The following GLI2 variants were observed in gnomAD, a reference collection of about 807,000 sequenced individuals.
The protein encoded by GLI2 is transcription activator GLI2.
In GLI2, 22 loss-of-function variants were observed where a neutral mutation model predicts 78.9. The observed-to-expected ratio is 0.28, with a 90% CI of 0.20 to 0.40. The LOEUF (loss-of-function observed/expected upper bound fraction) is 0.40, where lower values mean the gene tolerates loss of function less well. Ranked by LOEUF, GLI2 falls within the 10% of genes least tolerant of loss-of-function variation. GLI2 has a pLI of 1.00. For synonymous variants in GLI2, 974 were observed against 963.7 expected, an observed-to-expected ratio of 1.01 and a Z score of -0.20; for missense variants, 2,097 against 2,213.2, an observed-to-expected ratio of 0.95 and a Z score of 1.05.
intron 1 of GLI2, among the ~76,000 whole-genome samples, chr2:120,755,252 A>G (rs928338068): frequency 1.3e-5 from 2 of 152,246 alleles, no homozygotes; most frequent in Non-Finnish European, 2.9e-5. Context: ...ACCACATCCT[A>G]GGTAATACTT....
intron 1 of GLI2, among the ~76,000 whole-genome samples, chr2:120,753,555 C>T: frequency 6.6e-6 from 1 of 151,860 alleles, no homozygotes; most frequent in Middle Eastern, 3.4e-3. Context: ...GCAATTTTTC[C>T]GTCAGTGTCT....
At chr2:120,905,057 G>A (rs576486303) in intron 2 of GLI2, among the ~76,000 whole-genome samples, 1 of 152,232 alleles carries the variant, frequency 6.6e-6, no homozygotes, top group Non-Finnish European at 1.5e-5. Flanking sequence ...AGTTGGTACC[G>A]ACACAGGGCA....
intron 2 of GLI2, among the ~76,000 whole-genome samples, chr2:120,806,668 G>A (rs996837816): frequency 5.3e-5 from 8 of 152,310 alleles, no homozygotes; most frequent in Admixed American, 1.3e-4. Context: ...GTTGCCCTGC[G>A]GGGAGGCGCA....
chr2:120,811,230 G>T (rs1685223484), intron 2 of GLI2, among the ~76,000 whole-genome samples: 1 of 152,164 alleles, frequency 6.6e-6, no homozygotes, highest in Non-Finnish European at 1.5e-5. Context: ...ACCCGGAGAG[G>T]CCTGGGCACC....
intron 2 of GLI2, among the ~76,000 whole-genome samples, chr2:120,914,562 G>A (rs1678997480): frequency 6.6e-6 from 1 of 152,164 alleles, no homozygotes; most frequent in African/African-American, 2.4e-5. Context: ...CTCTAATGTG[G>A]GACTCTACAT....
chr2:120,963,888 A>G (rs551936613), intron 5 of GLI2, among the ~76,000 whole-genome samples: 7 of 152,354 alleles, frequency 4.6e-5, no homozygotes, highest in Admixed American at 4.6e-4. Flanking sequence ...GTCCTAGCGC[A>G]TGCGATGATA....
intron 3 of GLI2, among the ~76,000 whole-genome samples, chr2:120,950,739 A>C (rs1193540062): frequency 1.3e-5 from 2 of 152,206 alleles, no homozygotes; most frequent in African/African-American, 4.8e-5. Context: ...CATCCAACTG[A>C]AGCCAGAAAC....
At chr2:120,943,195 G>T (rs1680547776) in intron 3 of GLI2, among the ~76,000 whole-genome samples, 1 of 152,214 alleles carries the variant, frequency 6.6e-6, no homozygotes, top group Admixed American at 6.5e-5. Flanking sequence ...ACCGTAGGAG[G>T]ATCCTGACCT....
chr2:120,827,412 A>G (rs1686130260), intron 2 of GLI2, among the ~76,000 whole-genome samples: 1 of 152,236 alleles, frequency 6.6e-6, no homozygotes, highest in African/African-American at 2.4e-5. Context: ...GATGTGGAGA[A>G]GTTGGCCTCC....
chr2:120,766,813 T>C (rs1418130877), intron 1 of GLI2, among the ~76,000 whole-genome samples: 1 of 152,198 alleles, frequency 6.6e-6, no homozygotes, highest in Non-Finnish European at 1.5e-5. Flanking sequence ...TATATTATTA[T>C]GTGAGTAGAT....
At chr2:120,845,534 C>T (rs1687075447) in intron 2 of GLI2, among the ~76,000 whole-genome samples, 1 of 152,188 alleles carries the variant, frequency 6.6e-6, no homozygotes, top group Non-Finnish European at 1.5e-5. Context: ...CCTCCAGTCT[C>T]CTTCTCAGAC....
chr2:120,982,742 C>G lies in GLI2; in HGVS notation c.1494C>G (p.Ser498=). 2 of 1,613,804 alleles carry G rather than the reference C, an allele frequency of 1.2e-6. No homozygotes were observed. Among genetic ancestry groups the G allele is most frequent in the Non-Finnish European group, 1.7e-6 (2 of 1,179,738 alleles). Residue 498 remains serine, a synonymous_variant, in exon 11 of 14, where the codon TCC becomes TCG. Transcript: ENST00000361492. The part of the protein sequence containing the change: ...CTFEGCSKAY[S]RLENLKTHLR... ...TCGAGGGCTGCTCGAAGGCCTACTC[C>G]CGCCTGGAGAACCTGAAGACACACC...
intron 4 of GLI2, among the ~76,000 whole-genome samples, chr2:120,954,218 G>C (rs1573665973): frequency 6.6e-6 from 1 of 152,176 alleles, no homozygotes; most frequent in South Asian, 2.1e-4. Flanking sequence ...GCTCATCAGC[G>C]ATCCGAGGCA....
chr2:120,968,659 A>G lies in GLI2; in HGVS notation c.644-55A>G, dbSNP rs574682703. 8.5e-4 allele frequency: 997 copies of G among 1,168,960 alleles called. 3 individuals are homozygous for G. Among genetic ancestry groups the G allele is most frequent in the Non-Finnish European group, 1.0e-3 (812 of 780,882 alleles). The allele number at this position is 1,168,960 out of a possible 1,614,324, so 72.4% of individuals were successfully genotyped here. A position where few individuals can be genotyped will look rare whatever the true frequency, so the allele number is the denominator to read the frequency against. ...TCTTCCTATCCCCCACCCACATGTC[A>G]CCCCCTCCCCCATCCCCAGTGATGC... On this transcript the variant is annotated intron_variant, in intron 5 of 13. Coordinates refer to ENST00000361492, the MANE Select transcript of GLI2 (RefSeq NM_001374353.1).
At chr2:120,920,508 C>G (rs1002146642) in intron 2 of GLI2, among the ~76,000 whole-genome samples, 1 of 152,216 alleles carries the variant, frequency 6.6e-6, no homozygotes, top group African/African-American at 2.4e-5. Flanking sequence ...CCTCACTGCC[C>G]TCCTCACTAA....
intron 5 of GLI2, among the ~76,000 whole-genome samples, chr2:120,961,402 T>C (rs4287773): frequency 0.81 from 123,289 of 152,150 alleles, 53,608 homozygotes; most frequent in East Asian, 1. Context: ...GGAAGCCACA[T>C]TGCAGGTCCC....
chr2:120,824,767 G>C (rs1125885), intron 2 of GLI2, among the ~76,000 whole-genome samples: 142,041 of 152,308 alleles, frequency 0.93, 66,643 homozygotes, highest in East Asian at 1. Flanking sequence ...AGTGGGACAT[G>C]AGGACCTGAA....
chr2:120,838,659 C>A (rs1686725835), intron 2 of GLI2, among the ~76,000 whole-genome samples: 1 of 152,224 alleles, frequency 6.6e-6, no homozygotes, highest in Admixed American at 6.5e-5. Context: ...TACACTCATG[C>A]ACCCCATAAC....
intron 2 of GLI2, among the ~76,000 whole-genome samples, chr2:120,891,882 G>A (rs186294701): frequency 6.6e-6 from 1 of 152,272 alleles, no homozygotes; most frequent in East Asian, 1.9e-4. Flanking sequence ...TGAGAAGCTG[G>A]ATGCACCTTC....
Sources: allele counts gnomAD v4.1 joint callset (sites outside exome capture counted in the v4.1 genomes callset), GRCh38; gene constraint gnomAD v4.1.1; transcripts MANE v1.5; gene names NCBI Gene and HGNC (gene_info 2026-07-23, HGNC 2026-07-21).